The following EPB41L4A variants were observed in gnomAD, a reference collection of about 807,000 sequenced individuals.
EPB41L4A encodes band 4.1-like protein 4A.
In EPB41L4A, 100 loss-of-function variants were observed where a neutral mutation model predicts 108.6. That is an observed-to-expected ratio of 0.92 (90% CI 0.78 to 1.09). The LOEUF (loss-of-function observed/expected upper bound fraction) is 1.09, where lower values mean the gene tolerates loss of function less well. Ranked by LOEUF, EPB41L4A falls within the 50% of genes least tolerant of loss-of-function variation. The probability of loss-of-function intolerance (pLI) is 0.00; values close to 1 mark genes in which losing one functional copy is unlikely to be tolerated. For missense variants in EPB41L4A, 1,030 were observed against 842.7 expected (o/e 1.22, Z -2.75); for synonymous variants, 319 against 289.0 (o/e 1.10, Z -1.05).
chr5:112,307,568 T>C, intron 1 of EPB41L4A, 78 bp from the exon 2 acceptor site: 1 of 903,128 alleles, frequency 1.1e-6, no homozygotes, highest in South Asian at 1.6e-5. Context: ...TTCTCATCTT[T>C]TATTAGTTTC....
intron 1 of EPB41L4A, among the ~76,000 whole-genome samples, chr5:112,366,264 C>T (rs1033892360): frequency 7.5e-6 from 1 of 132,982 alleles, no homozygotes; most frequent in Non-Finnish European, 1.7e-5. Context: ...GGTATACTTG[C>T]CCATGTTTGT....
chr5:112,160,615 G>C (rs1759827882), downstream of EPB41L4A: 1 of 152,780 alleles, frequency 6.5e-6, no homozygotes, highest in African/African-American at 2.4e-5. Flanking sequence ...GTCGGGTGGG[G>C]GGATGTCTGG....
chr5:112,366,325 T>C (rs1759117390), intron 1 of EPB41L4A, among the ~76,000 whole-genome samples: 2 of 151,428 alleles, frequency 1.3e-5, no homozygotes, highest in Admixed American at 6.6e-5. Context: ...AAGAAAAGTA[T>C]ATAGTCAGGT....
chr5:112,160,035 C>CA (rs1408968150), downstream of EPB41L4A, among the ~76,000 whole-genome samples: 1 of 151,122 alleles, frequency 6.6e-6, no homozygotes, highest in Non-Finnish European at 1.5e-5. Flanking sequence ...CTCAGCCTCC[C>CA]AAGTAGCTGG....
At chr5:112,379,194 T>A (rs1760013844) in intron 1 of EPB41L4A, among the ~76,000 whole-genome samples, 1 of 152,040 alleles carries the variant, frequency 6.6e-6, no homozygotes, top group Non-Finnish European at 1.5e-5. Flanking sequence ...CATATACATG[T>A]CCCCCCATTT....
At chr5:112,169,692 TAATTC>T (rs1760461281) in intron 20 of EPB41L4A, among the ~76,000 whole-genome samples, 1 of 152,230 alleles carries the variant, frequency 6.6e-6, no homozygotes, top group East Asian at 1.9e-4. Context: ...AACAAATAAA[TAATTC>T]AAATCTTTGA....
intron 9 of EPB41L4A, among the ~76,000 whole-genome samples, chr5:112,241,556 AAAT>A (rs1429680930): frequency 1.5e-4 from 23 of 152,198 alleles, no homozygotes; most frequent in African/African-American, 5.5e-4. Context: ...TATTCAGAAA[AAAT>A]AATACAAATT....
chr5:112,158,209 T>C (rs767425572), downstream of EPB41L4A, among the ~76,000 whole-genome samples: 5 of 152,330 alleles, frequency 3.3e-5, no homozygotes, highest in Middle Eastern at 0.01. Flanking sequence ...AAAAACAGCA[T>C]GTTTCCCCCT....
chr5:112,246,318 T>C (rs751219524), intron 9 of EPB41L4A, among the ~76,000 whole-genome samples: 9 of 152,180 alleles, frequency 5.9e-5, no homozygotes, highest in Non-Finnish European at 1.5e-5. Flanking sequence ...TGTGTTTAGA[T>C]GTGTTTGGAT....
intron 1 of EPB41L4A, among the ~76,000 whole-genome samples, chr5:112,401,431 C>A (rs1446072199): frequency 2.0e-5 from 3 of 152,214 alleles, no homozygotes; most frequent in Admixed American, 2.0e-4. Flanking sequence ...GAAACTAATT[C>A]TCAATGTTCT....
At chr5:112,258,121 C>A (rs1307839500) in intron 9 of EPB41L4A, among the ~76,000 whole-genome samples, 1 of 152,212 alleles carries the variant, frequency 6.6e-6, no homozygotes, top group African/African-American at 2.4e-5. Context: ...TTAATTGTAT[C>A]AGTAAATGGC....
intron 12 of EPB41L4A, among the ~76,000 whole-genome samples, chr5:112,155,334 G>C (rs1455396846): frequency 6.6e-6 from 1 of 151,228 alleles, no homozygotes; most frequent in Non-Finnish European, 1.5e-5. Flanking sequence ...TTATATTTTA[G>C]CTCCCAAAAC....
At chr5:112,388,558 G>T (rs1054403017) in intron 1 of EPB41L4A, among the ~76,000 whole-genome samples, 2 of 152,180 alleles carry the variant, frequency 1.3e-5, no homozygotes, top group Admixed American at 6.5e-5. Context: ...TGAAGAGACC[G>T]AGAGAGAATG....
intron 12 of EPB41L4A, among the ~76,000 whole-genome samples, chr5:112,218,971 A>T (rs1239754723): frequency 6.6e-6 from 1 of 152,210 alleles, no homozygotes; most frequent in Non-Finnish European, 1.5e-5. Context: ...AAACATATCC[A>T]ATGTAATAAA....
chr5:112,223,974 C>T (rs879580642), intron 12 of EPB41L4A, among the ~76,000 whole-genome samples: 17 of 152,130 alleles, frequency 1.1e-4, no homozygotes, highest in East Asian at 5.8e-4. Context: ...TCTTTTGAGA[C>T]GGAGTCTTAC....
At chr5:112,205,778 C>T (rs1762444258) in intron 13 of EPB41L4A, among the ~76,000 whole-genome samples, 1 of 152,078 alleles carries the variant, frequency 6.6e-6, no homozygotes, top group South Asian at 2.1e-4. Flanking sequence ...ACTCTAGAGT[C>T]CACCTGCAGG....
intron 12 of EPB41L4A, among the ~76,000 whole-genome samples, chr5:112,213,008 T>C (rs1476579895): frequency 6.6e-6 from 1 of 152,196 alleles, no homozygotes; most frequent in African/African-American, 2.4e-5. Context: ...TTGCAAACTA[T>C]GTTTATATAT....
chr5:112,166,470 A>T (rs1760254824), intron 22 of EPB41L4A, among the ~76,000 whole-genome samples: 1 of 152,114 alleles, frequency 6.6e-6, no homozygotes, highest in African/African-American at 2.4e-5. Context: ...CCCTCTCCAG[A>T]GTCAGCATTT....
intron 2 of EPB41L4A, among the ~76,000 whole-genome samples, chr5:112,296,188 A>C (rs1454372230): frequency 6.6e-6 from 1 of 152,158 alleles, no homozygotes; most frequent in African/African-American, 2.4e-5. Context: ...GCACTTTATT[A>C]AAAATCTTAC....
Sources: gnomAD v4.1 joint callset for allele counts (sites outside exome capture counted in the v4.1 genomes callset) on GRCh38, gnomAD v4.1.1 for gene constraint, MANE v1.5 for transcripts, NCBI Gene and HGNC (gene_info 2026-07-23, HGNC 2026-07-21) for gene names.